GPAM: variants seen among roughly 807,000 people sequenced by gnomAD.
GPAM encodes glycerol-3-phosphate acyltransferase, mitochondrial, also known as glycerol-3-phosphate acyltransferase 1, mitochondrial.
GPAM carries 56 observed loss-of-function variants against 105.0 expected under a neutral mutation model. That is an observed-to-expected ratio of 0.53 (90% CI 0.43 to 0.67). GPAM has a LOEUF of 0.67. Ranked by LOEUF, GPAM falls within the 30% of genes least tolerant of loss-of-function variation. The pLI is 0.00. For missense variants in GPAM, 855 were observed against 989.8 expected (o/e 0.86, Z 1.83); for synonymous variants, 368 against 354.4 (o/e 1.04, Z -0.43).
At chr10:112,186,003 A>G (rs1847592119), upstream of GPAM, among the ~76,000 whole-genome samples, 1 of 152,174 alleles carries the variant, frequency 6.6e-6, no homozygotes, top group Non-Finnish European at 1.5e-5. Context: ...TCCAAATTTG[A>G]CCAAAACTAT....
chr10:112,191,600 A>G (rs1438026560), intron 1 of GPAM, among the ~76,000 whole-genome samples: 1 of 152,206 alleles, frequency 6.6e-6, no homozygotes, highest in Non-Finnish European at 1.5e-5. Flanking sequence ...TTAAATCCTG[A>G]GGTTTCCTAA....
chr10:112,176,148 TTTG>T (rs1195929750), intron 5 of GPAM, among the ~76,000 whole-genome samples: 1 of 152,224 alleles, frequency 6.6e-6, no homozygotes, highest in Non-Finnish European at 1.5e-5. Flanking sequence ...ACTAATTTTT[TTTG>T]TTAAGTTTTT....
Position 112,150,725 on chromosome 10 carries a change from T to C in GPAM, c.*2825A>G, listed in dbSNP as rs752850927. The C allele has an allele frequency of 3.3e-4, 322 of 981,082 alleles. No homozygotes were observed. In the Middle Eastern group the frequency reaches 4.7e-3, roughly 14 times the overall value. 60.8% of individuals were successfully genotyped at this position (981,082 alleles called of 1,614,324 possible). A position where few individuals can be genotyped will look rare whatever the true frequency, so the allele number is the denominator to read the frequency against. ...CAAGCCCTTACTGCGCTAAAGTGCA[T>C]TGTAAGTTTCCAGGTGCAAACTTGG... is the stretch of plus-strand genomic sequence containing the variant. On this transcript the variant is annotated 3_prime_UTR_variant, in exon 22 of 22. Coordinates refer to ENST00000348367, the MANE Select transcript of GPAM (RefSeq NM_001244949.2).
At chr10:112,172,022 C>T (rs1434893844) in intron 9 of GPAM, among the ~76,000 whole-genome samples, 160 bp downstream of exon 9, 1 of 152,102 alleles carries the variant, frequency 6.6e-6, no homozygotes, top group Non-Finnish European at 1.5e-5. Flanking sequence ...CATTTTTGCA[C>T]TCTCCAAATT....
intron 4 of GPAM, among the ~76,000 whole-genome samples, chr10:112,179,407 T>G (rs1847465940): frequency 6.6e-6 from 1 of 152,236 alleles, no homozygotes; most frequent in South Asian, 2.1e-4. Flanking sequence ...AAATCTTGAT[T>G]TCAAGTGACC....
chr10:112,200,644 GT>G (rs998731060), intron 1 of GPAM, among the ~76,000 whole-genome samples: 3 of 151,996 alleles, frequency 2.0e-5, no homozygotes, highest in African/African-American at 7.3e-5. Context: ...CCAATAAAAA[GT>G]TTTGCTGATG....
chr10:112,157,210 T>A (rs781597848), intron 19 of GPAM, 39 bp downstream of exon 19: 2 of 1,580,904 alleles, frequency 1.3e-6, no homozygotes, highest in Admixed American at 3.3e-5. Context: ...AACCTCAACA[T>A]ATCCCTGTAA....
rs371960191 is a variant in GPAM at position 112,160,568 on chromosome 10, T to A, written c.1759+36A>T. 6.9e-6 allele frequency: 11 copies of A among 1,591,138 alleles called. No individual in the cohort carries two copies. The African/African-American group carries it at 1.2e-4, about 17-fold the overall frequency. On this transcript the variant is annotated intron_variant, in intron 16 of 21. Transcript: ENST00000348367. ...GTGTTTTAGGCCTTTTTATTTTCCA[T>A]GAAAATTACTGAAAATATTTCAAGG... is the stretch of plus-strand genomic sequence containing the variant.
upstream of GPAM, among the ~76,000 whole-genome samples, chr10:112,187,383 C>T (rs76103678): frequency 0.015 from 2,297 of 152,068 alleles, 21 homozygotes; most frequent in Non-Finnish European, 0.025. Flanking sequence ...GTATGCTATA[C>T]TAATGCTAAT....
chr10:112,178,007 A>T lies in GPAM; in HGVS notation c.276T>A (p.Ile92=). 6.3e-7 allele frequency: 1 copy of T among 1,598,342 alleles called. No homozygotes were observed. Among genetic ancestry groups the T allele is most frequent in the Non-Finnish European group, 8.6e-7 (1 of 1,165,960 alleles). ...ACCTTGTGTGAGTTTCATTGATATA[A>T]ATAACATTCCGCAAACCCAAAGACG... ...SIPSLGLRNV[I]YINETHTRHR... The change falls in exon 5 of 22, where the codon ATT becomes ATA. Residue 92 remains isoleucine, a synonymous_variant. Transcript: ENST00000348367.
chr10:112,167,553 A>G (rs1424918117), intron 11 of GPAM, among the ~76,000 whole-genome samples: 1 of 152,364 alleles, frequency 6.6e-6, no homozygotes, highest in Non-Finnish European at 1.5e-5. Flanking sequence ...AATAGACTAC[A>G]TGCAACAATG....
rs1846919548 is a variant in GPAM, at chr10:112,151,558, C to A, written c.*1992G>T. On this transcript the variant is annotated 3_prime_UTR_variant, in exon 22 of 22. Coordinates refer to ENST00000348367, the MANE Select transcript of GPAM (RefSeq NM_001244949.2). The stretch of plus-strand genomic sequence containing the variant: ...GCATTCCCCAAAGCATCTGAACGTA[C>A]TTCTAGAAAACAAACCAACCAAAAG... The A allele has an allele frequency of 1.0e-6, 1 of 985,584 alleles. No individual in the cohort carries two copies. The highest frequency in any genetic ancestry group is 4.7e-5 in the South Asian group (1 of 21,286). The allele number at this position is 985,584 out of a possible 1,614,324, so 61.1% of individuals were successfully genotyped here.
intron 1 of GPAM, among the ~76,000 whole-genome samples, chr10:112,198,361 T>C (rs556116835): frequency 3.3e-5 from 5 of 152,350 alleles, no homozygotes; most frequent in Non-Finnish European, 7.3e-5. Flanking sequence ...GGTATAAACG[T>C]GCATAGTTTT....
intron 1 of GPAM, among the ~76,000 whole-genome samples, chr10:112,200,167 A>AGTATATATAT (rs1847776796): frequency 1.1e-5 from 1 of 87,180 alleles, no homozygotes; most frequent in African/African-American, 3.3e-5. Context: ...TTGTAAAGGA[A>AGTATATATAT]ATATATATAT....
intron 1 of GPAM, among the ~76,000 whole-genome samples, chr10:112,198,313 G>T (rs369805987): frequency 6.6e-6 from 1 of 152,108 alleles, no homozygotes; most frequent in Non-Finnish European, 1.5e-5. Context: ...GAATCACAGC[G>T]TTCTCCAGAT....
At chr10:112,213,343 C>T (rs1847933809) in intron 1 of GPAM, among the ~76,000 whole-genome samples, 1 of 152,172 alleles carries the variant, frequency 6.6e-6, no homozygotes, top group Admixed American at 6.5e-5. Context: ...TGGGTTGACA[C>T]TCACCTCAGT....
chr10:112,213,538 G>C (rs1343006012), intron 1 of GPAM, among the ~76,000 whole-genome samples: 1 of 152,162 alleles, frequency 6.6e-6, no homozygotes, highest in Non-Finnish European at 1.5e-5. Flanking sequence ...TGCCTTCACA[G>C]CTGTCAGTCT....
At chr10:112,159,815 G>A in intron 17 of GPAM, 96 bp downstream of exon 17, 2 of 1,182,300 alleles carry the variant, frequency 1.7e-6, no homozygotes, top group Non-Finnish European at 2.5e-6. Context: ...ATCAACAATG[G>A]GTCAAACATT....
chr10:112,197,122 T>C (rs1319658864), intron 1 of GPAM, among the ~76,000 whole-genome samples: 1 of 152,182 alleles, frequency 6.6e-6, no homozygotes, highest in East Asian at 1.9e-4. Context: ...AATTTCTAGG[T>C]CACCTGCTCA....
Sources: gnomAD v4.1 joint callset for allele counts (sites outside exome capture counted in the v4.1 genomes callset) on GRCh38, gnomAD v4.1.1 for gene constraint, MANE v1.5 for transcripts, NCBI Gene and HGNC (gene_info 2026-07-23, HGNC 2026-07-21) for gene names.